PTPN11: variants seen among roughly 807,000 people sequenced by gnomAD.
The protein encoded by PTPN11 is tyrosine-protein phosphatase non-receptor type 11.
Under a neutral mutation model 78.8 loss-of-function variants are expected in PTPN11, and 6 were observed. That is an observed-to-expected ratio of 0.08 (90% CI 0.04 to 0.15). The LOEUF (loss-of-function observed/expected upper bound fraction) is 0.15. Among genes scored for constraint, PTPN11 ranks in the 10% least tolerant of loss-of-function variants. PTPN11 has a pLI of 1.00. For synonymous variants in PTPN11, 221 were observed against 263.5 expected, an observed-to-expected ratio of 0.84 and a Z score of 1.56; for missense variants, 386 against 744.8, an observed-to-expected ratio of 0.52 and a Z score of 5.61.
At position 112,506,960 on chromosome 12, in the gene PTPN11, GA is replaced by G; in HGVS notation, c.*1169del. The G allele has an allele frequency of 3.9e-6, 1 of 253,254 alleles. No individual in the cohort carries two copies. Among genetic ancestry groups the G allele is most frequent in the Non-Finnish European group, 7.9e-6 (1 of 126,452 alleles). The allele number at this position is 253,254 out of a possible 1,614,324, so 15.7% of individuals were successfully genotyped here. ...ACTTCCCTCTATTGATGATGATGAT[GA>G]TGATGATGATGATGATGATGATGAT... On this transcript the variant is annotated 3_prime_UTR_variant, in exon 16 of 16. Coordinates refer to ENST00000351677, the MANE Select transcript of PTPN11 (RefSeq NM_002834.5).
intron 1 of PTPN11, among the ~76,000 whole-genome samples, chr12:112,442,704 C>T (rs12304009): frequency 0.04 from 6,029 of 149,150 alleles, 261 homozygotes; most frequent in African/African-American, 0.11. Context: ...CACCTGCCTC[C>T]GCCTCCCAAA....
intron 1 of PTPN11, among the ~76,000 whole-genome samples, chr12:112,444,538 C>G (rs1342084796): frequency 6.6e-6 from 1 of 152,060 alleles, no homozygotes; most frequent in African/African-American, 2.4e-5. Context: ...ATGGGTTTCT[C>G]CATGTTGGTC....
chr12:112,467,246 C>T (rs1447968769), intron 6 of PTPN11, among the ~76,000 whole-genome samples: 1 of 152,080 alleles, frequency 6.6e-6, no homozygotes, highest in African/African-American at 2.4e-5. Flanking sequence ...TCTGTGGATA[C>T]CTTTTAATAG....
intron 13 of PTPN11, among the ~76,000 whole-genome samples, chr12:112,498,059 A>C (rs1266118553): frequency 6.6e-6 from 1 of 152,112 alleles, no homozygotes; most frequent in African/African-American, 2.4e-5. Context: ...AGGCTGAGGC[A>C]TGAGAATCGC....
At chr12:112,468,295 A>G (rs2038361234) in intron 6 of PTPN11, among the ~76,000 whole-genome samples, 1 of 152,150 alleles carries the variant, frequency 6.6e-6, no homozygotes, top group Non-Finnish European at 1.5e-5. Flanking sequence ...TGTGGAAGAT[A>G]AACCCTGACA....
At position 112,450,086 on chromosome 12, in the gene PTPN11, C is replaced by CA. The variant is rs369558589; in HGVS notation, c.138-216dup. ...GGGCAATAAGAGCGAAACTCCATCT[C>CA]AAAAAAAAAAAAAAAAGATATGCAA... is the stretch of plus-strand genomic sequence containing the variant. On this transcript the variant is annotated intron_variant, in intron 2 of 15. Coordinates refer to ENST00000351677, the MANE Select transcript of PTPN11 (RefSeq NM_002834.5). 0.027 allele frequency among the ~76,000 whole-genome samples: 2,492 copies of CA among 91,960 alleles called. 38 individuals carry two copies. Among genetic ancestry groups the CA allele is most frequent in the African/African-American group, 0.06 (1,491 of 24,736 alleles). 60.3% of individuals were successfully genotyped at this position (91,960 alleles called of 152,430 possible). A position where few individuals can be genotyped will look rare whatever the true frequency, so the allele number is the denominator to read the frequency against.
chr12:112,487,754 A>C (rs1386814558), intron 11 of PTPN11, among the ~76,000 whole-genome samples: 1 of 152,034 alleles, frequency 6.6e-6, no homozygotes, highest in Non-Finnish European at 1.5e-5. Context: ...TTAATTTTTA[A>C]AATTATTTAC....
chr12:112,486,738 A>G (rs2038684103), intron 11 of PTPN11, 109 bp downstream of exon 11: 1 of 1,539,568 alleles, frequency 6.5e-7, no homozygotes, highest in Non-Finnish European at 8.8e-7. Context: ...GAAGAATTTA[A>G]TATCTGTTTG....
rs1163132912 is a variant in PTPN11 at position 112,504,008 on chromosome 12, G to A, written c.1713-687G>A. 6.6e-6 allele frequency among the ~76,000 whole-genome samples: 1 copy of A among 152,116 alleles called. No homozygotes were observed. The highest frequency in any genetic ancestry group is 1.9e-4 in the East Asian group (1 of 5,196). Reference sequence around the variant, plus strand: ...CTCTCATCACTGCCTGCCTGCTCCTGTATTTTCCCTTCTTGGAGCTTTTGC... The same window carrying A: ...CTCTCATCACTGCCTGCCTGCTCCTATATTTTCCCTTCTTGGAGCTTTTGC... On this transcript the variant is annotated intron_variant, in intron 14 of 15. Coordinates refer to ENST00000351677, the MANE Select transcript of PTPN11 (RefSeq NM_002834.5). The surrounding 1 kb of genome is among the most constrained non-coding windows in gnomAD (Gnocchi z 4.7).
intron 1 of PTPN11, among the ~76,000 whole-genome samples, chr12:112,440,563 CTTTTTTTTTTTT>C (rs772805515): frequency 2.6e-4 from 24 of 90,712 alleles, no homozygotes; most frequent in South Asian, 1.7e-3. Context: ...TGTGCCTGGC[CTTTTTTTTTTTT>C]TTTTTTTTTT....
At position 112,427,774 on chromosome 12, in the gene PTPN11, C is replaced by A. The variant is rs11066294; in HGVS notation, c.14+8649C>A. 0.056 allele frequency among the ~76,000 whole-genome samples: 8,526 copies of A among 151,370 alleles called. 1,284 individuals carry two copies. In the East Asian group the frequency reaches 0.61, roughly 11 times the overall value. On this transcript the variant is annotated intron_variant, in intron 1 of 15. Coordinates refer to ENST00000351677, the MANE Select transcript of PTPN11 (RefSeq NM_002834.5). ...TTTTATTTATTTATTTTTTTTGAGACAAGGTCTTGCTCTGTCACCCACACT... is the reference window on the plus strand; with the variant it reads ...TTTTATTTATTTATTTTTTTTGAGAAAAGGTCTTGCTCTGTCACCCACACT...
chr12:112,427,254 A>G (rs2037631833), intron 1 of PTPN11, among the ~76,000 whole-genome samples: 1 of 151,074 alleles, frequency 6.6e-6, no homozygotes, highest in African/African-American at 2.4e-5. Flanking sequence ...TCAAAAAAAA[A>G]TATAGATATA....
chr12:112,483,378 G>A (rs527464137), intron 10 of PTPN11, among the ~76,000 whole-genome samples: 5 of 152,106 alleles, frequency 3.3e-5, no homozygotes, highest in Admixed American at 6.5e-5. Context: ...TTATAGAGAC[G>A]GTTGTCTCAT....
chr12:112,481,914 T>G (rs1384255388), intron 9 of PTPN11, among the ~76,000 whole-genome samples, 160 bp from the exon 10 acceptor site: 1 of 152,262 alleles, frequency 6.6e-6, no homozygotes, highest in Non-Finnish European at 1.5e-5. Flanking sequence ...TTTTCTTATT[T>G]GAACTCTTCT....
In PTPN11 at chr12:112,504,577, T is replaced by C. The variant is rs1038692525; in HGVS notation, c.1713-118T>C. ...AATGTCAGGTCCTAGGCACAGGAACTGTGTCTGTACCATATCTGGTGCCCA... is the reference window on the plus strand; with the variant it reads ...AATGTCAGGTCCTAGGCACAGGAACCGTGTCTGTACCATATCTGGTGCCCA... On this transcript the variant is annotated intron_variant, in intron 14 of 15. Transcript: ENST00000351677. This position sits in a 1 kb window ranked among gnomAD's most constrained non-coding sequence, Gnocchi z 4.7. The C allele has an allele frequency of 1.3e-6, 1 of 756,978 alleles. No homozygotes were observed. Among genetic ancestry groups the C allele is most frequent in the Admixed American group, 2.1e-5 (1 of 47,898 alleles). 46.9% of individuals were successfully genotyped at this position (756,978 alleles called of 1,614,324 possible). A position where few individuals can be genotyped will look rare whatever the true frequency, so the allele number is the denominator to read the frequency against.
At chr12:112,463,117 C>T (rs1353784926) in intron 6 of PTPN11, among the ~76,000 whole-genome samples, 1 of 152,062 alleles carries the variant, frequency 6.6e-6, no homozygotes, top group Non-Finnish European at 1.5e-5. Flanking sequence ...GAATCTTATA[C>T]TTCCTTTACA....
intron 13 of PTPN11, among the ~76,000 whole-genome samples, chr12:112,491,503 C>T (rs969304196): frequency 1.3e-5 from 2 of 152,164 alleles, no homozygotes; most frequent in African/African-American, 4.8e-5. Context: ...TCTAAGCCTA[C>T]ACATTCTAAA....
In PTPN11 at chr12:112,458,759, C is replaced by T. The variant is rs757290155; in HGVS notation, c.756+2696C>T. On this transcript the variant is annotated intron_variant, in intron 6 of 15. Transcript: ENST00000351677. ...GTGAAAAAGTGATGATAGGCTGGGG[C>T]GTAGTGGCTACTCCTGTAATCTCAG... Among the ~76,000 whole-genome samples, 4 of 152,102 alleles carry T rather than the reference C, an allele frequency of 2.6e-5. No homozygotes were observed. The South Asian group carries it at 6.2e-4, about 24-fold the overall frequency.
chr12:112,467,214 A>G (rs916219029), intron 6 of PTPN11, among the ~76,000 whole-genome samples: 1 of 152,354 alleles, frequency 6.6e-6, no homozygotes, highest in Admixed American at 6.5e-5. Context: ...CACATGTACA[A>G]CATGGATCAG....
Sources: allele counts gnomAD v4.1 joint callset (sites outside exome capture counted in the v4.1 genomes callset), GRCh38; gene constraint gnomAD v4.1.1; non-coding constraint Gnocchi (gnomAD v3.1); transcripts MANE v1.5; gene names NCBI Gene and HGNC (gene_info 2026-07-23, HGNC 2026-07-21).